Variants in SNTG1 observed in about 807,000 individuals in gnomAD.
SNTG1 encodes syntrophin gamma 1, also known as gamma-1-syntrophin.
In SNTG1, 39 loss-of-function variants were observed where a neutral mutation model predicts 74.7. That is an observed-to-expected ratio of 0.52 (90% confidence interval 0.40 to 0.68). SNTG1 has a LOEUF of 0.68. Among genes scored for constraint, SNTG1 ranks in the 30% least tolerant of loss-of-function variants. The pLI, the probability that SNTG1 is intolerant of heterozygous loss-of-function variation, is 0.00. For synonymous variants in SNTG1, 254 were observed against 217.1 expected, an observed-to-expected ratio of 1.17 and a Z score of -1.49; for missense variants, 685 against 609.5, an observed-to-expected ratio of 1.12 and a Z score of -1.30.
chr8:50,092,054 T>C (rs1220876358), intron 1 of SNTG1, among the ~76,000 whole-genome samples: 2 of 152,160 alleles, frequency 1.3e-5, no homozygotes, highest in Non-Finnish European at 2.9e-5. Context: ...GAAAATATAA[T>C]GCCTTTATTT....
At chr8:50,342,778 A>G (rs1233576344) in intron 2 of SNTG1, among the ~76,000 whole-genome samples, 2 of 152,164 alleles carry the variant, frequency 1.3e-5, no homozygotes, top group Non-Finnish European at 2.9e-5. Flanking sequence ...TATTTATATA[A>G]ATTTATTTAA....
intron 9 of SNTG1, among the ~76,000 whole-genome samples, chr8:50,514,150 A>G (rs1170776916): frequency 2.6e-5 from 4 of 152,170 alleles, no homozygotes; most frequent in African/African-American, 7.2e-5. Context: ...GATCTTTTCA[A>G]TAAACCAACT....
At chr8:50,596,554 CT>C (rs1328439602) in intron 13 of SNTG1, among the ~76,000 whole-genome samples, 1 of 151,946 alleles carries the variant, frequency 6.6e-6, no homozygotes, top group Non-Finnish European at 1.5e-5. Context: ...TCTTTCTTCA[CT>C]GTATTATTAT....
At chr8:50,406,642 A>G (rs2092879577) in intron 4 of SNTG1, among the ~76,000 whole-genome samples, 1 of 151,956 alleles carries the variant, frequency 6.6e-6, no homozygotes, top group South Asian at 2.1e-4. Context: ...TTCATTTTTG[A>G]GTATGATATT....
intron 2 of SNTG1, among the ~76,000 whole-genome samples, chr8:50,173,846 GT>G (rs1357668901): frequency 6.6e-6 from 1 of 152,134 alleles, no homozygotes; most frequent in African/African-American, 2.4e-5. Flanking sequence ...TTTACTTTAA[GT>G]TCTGGGATAC....
intron 1 of SNTG1, among the ~76,000 whole-genome samples, chr8:50,129,552 C>T (rs2081253745): frequency 6.6e-6 from 1 of 152,078 alleles, no homozygotes; most frequent in African/African-American, 2.4e-5. Context: ...ACAATTTTAC[C>T]TACAGAGTTG....
intron 2 of SNTG1, among the ~76,000 whole-genome samples, chr8:50,197,622 C>A (rs1300301149): frequency 6.6e-6 from 1 of 152,148 alleles, no homozygotes; most frequent in African/African-American, 2.4e-5. Context: ...AAGATTTTCA[C>A]ATGCTTAAAT....
chr8:50,647,451 C>T lies in SNTG1; in HGVS notation c.850-9458C>T, dbSNP rs978277425. 2.6e-5 allele frequency among the ~76,000 whole-genome samples: 4 copies of T among 151,294 alleles called. 1 individual carries two copies. Among genetic ancestry groups the T allele is most frequent in the African/African-American group, 9.7e-5 (4 of 41,108 alleles). On this transcript the variant is annotated intron_variant, in intron 13 of 18. Transcript: ENST00000642720. The stretch of plus-strand genomic sequence containing the variant: ...ATACACACACACACATATATATATA[C>T]ATATATATGTATACACACACACACA...
At chr8:50,433,485 T>A (rs2093265497) in intron 4 of SNTG1, among the ~76,000 whole-genome samples, 1 of 151,584 alleles carries the variant, frequency 6.6e-6, no homozygotes, top group Admixed American at 6.6e-5. Flanking sequence ...TTCTGTTTTT[T>A]TTTTTTTTCA....
At chr8:50,181,915 G>T (rs887445273) in intron 2 of SNTG1, among the ~76,000 whole-genome samples, 5 of 151,996 alleles carry the variant, frequency 3.3e-5, no homozygotes, top group Non-Finnish European at 7.4e-5. Context: ...GTGCAAGAAG[G>T]GCCAATTGAC....
intron 15 of SNTG1, among the ~76,000 whole-genome samples, chr8:50,661,394 C>T (rs1057036297): frequency 6.6e-6 from 1 of 152,082 alleles, no homozygotes; most frequent in Non-Finnish European, 1.5e-5. Context: ...GTACAAATTG[C>T]CTCCTACAAG....
intron 2 of SNTG1, among the ~76,000 whole-genome samples, chr8:50,177,786 G>A (rs2083054419): frequency 6.6e-6 from 1 of 152,136 alleles, no homozygotes; most frequent in South Asian, 2.1e-4. Flanking sequence ...CTATGGGTCT[G>A]ACAAATGCAT....
chr8:50,045,118 A>C (rs1192861096), intron 1 of SNTG1, among the ~76,000 whole-genome samples: 1 of 152,200 alleles, frequency 6.6e-6, no homozygotes, highest in Middle Eastern at 3.2e-3. Flanking sequence ...CATGTGCTGG[A>C]AGTCAGAAAA....
At chr8:50,208,613 G>A (rs2084360184) in intron 2 of SNTG1, among the ~76,000 whole-genome samples, 1 of 152,182 alleles carries the variant, frequency 6.6e-6, no homozygotes, top group Admixed American at 6.5e-5. Context: ...TATGATGTTA[G>A]CTGGTTATGT....
intron 2 of SNTG1, among the ~76,000 whole-genome samples, chr8:50,310,832 G>A (rs1192717819): frequency 6.6e-6 from 1 of 152,158 alleles, no homozygotes; most frequent in Non-Finnish European, 1.5e-5. Context: ...ATACATACCA[G>A]TATAAAATAC....
chr8:49,923,917 A>T (rs1806789311), intron 1 of SNTG1, among the ~76,000 whole-genome samples: 1 of 152,328 alleles, frequency 6.6e-6, no homozygotes, highest in South Asian at 2.1e-4. Flanking sequence ...AAAGTGAATT[A>T]GCAATAAATA....
intron 15 of SNTG1, among the ~76,000 whole-genome samples, chr8:50,684,722 TG>T (rs2095344767): frequency 6.7e-6 from 1 of 148,430 alleles, no homozygotes; most frequent in Non-Finnish European, 1.5e-5. Context: ...TTTTTGTTTT[TG>T]TTTTTGTTTT....
intron 1 of SNTG1, among the ~76,000 whole-genome samples, chr8:50,026,782 T>A (rs991918404): frequency 6.6e-6 from 1 of 152,090 alleles, no homozygotes; most frequent in Admixed American, 6.6e-5. Context: ...CAGGAAGAGA[T>A]GGGTTGTAGA....
intron 4 of SNTG1, among the ~76,000 whole-genome samples, chr8:50,430,630 T>C (rs2093223801): frequency 6.6e-6 from 1 of 152,172 alleles, no homozygotes; most frequent in Admixed American, 6.5e-5. Flanking sequence ...AAGGGGTGTT[T>C]TATTGGCAGA....
Sources: gnomAD v4.1 joint callset for allele counts (sites outside exome capture counted in the v4.1 genomes callset) on GRCh38, gnomAD v4.1.1 for gene constraint, MANE v1.5 for transcripts, NCBI Gene and HGNC (gene_info 2026-07-23, HGNC 2026-07-21) for gene names.